The following CTNNA2 variants were observed in gnomAD, a reference collection of about 807,000 sequenced individuals.
The protein encoded by CTNNA2 is catenin alpha 2.
Under a neutral mutation model 101.0 loss-of-function variants are expected in CTNNA2, and 42 were observed. That is an observed-to-expected ratio of 0.42 (90% CI 0.32 to 0.54). CTNNA2 has a LOEUF of 0.54. Ranked by LOEUF, CTNNA2 falls within the 20% of genes least tolerant of loss-of-function variation. The probability of loss-of-function intolerance (pLI) is 0.14; values close to 1 mark genes in which losing one functional copy is unlikely to be tolerated. For missense variants in CTNNA2, 871 were observed against 1,223.1 expected, an observed-to-expected ratio of 0.71 and a Z score of 4.29; for synonymous variants, 450 against 456.4, an observed-to-expected ratio of 0.99 and a Z score of 0.18.
chr2:79,463,162 A>C (rs1670897323), intron 4 of CTNNA2, among the ~76,000 whole-genome samples: 1 of 152,162 alleles, frequency 6.6e-6, no homozygotes, highest in Non-Finnish European at 1.5e-5. Context: ...CTGTAATCCC[A>C]CCATTTTGGG....
At chr2:79,747,502 C>T (rs1031809291) in intron 3 of CTNNA2, among the ~76,000 whole-genome samples, 4 of 152,120 alleles carry the variant, frequency 2.6e-5, no homozygotes, top group African/African-American at 9.7e-5. Flanking sequence ...TTGATTGGCC[C>T]CGGGCCTCCT....
intron 7 of CTNNA2, among the ~76,000 whole-genome samples, chr2:80,237,904 G>A (rs950912357): frequency 6.6e-6 from 1 of 152,008 alleles, no homozygotes; most frequent in Non-Finnish European, 1.5e-5. Flanking sequence ...CTCTCCTAAG[G>A]TGCTCATTCT....
intron 7 of CTNNA2, among the ~76,000 whole-genome samples, chr2:80,144,492 A>G (rs1239026581): frequency 6.6e-6 from 1 of 152,212 alleles, no homozygotes; most frequent in African/African-American, 2.4e-5. Context: ...TCACAGCAGT[A>G]TATTTCTGAA....
chr2:80,346,323 T>C (rs1278387840), intron 7 of CTNNA2, among the ~76,000 whole-genome samples: 1 of 151,930 alleles, frequency 6.6e-6, no homozygotes, highest in African/African-American at 2.4e-5. Flanking sequence ...CTTTTACTCA[T>C]GGTAGAAGGT....
chr2:80,167,961 C>T (rs77980070), intron 7 of CTNNA2, among the ~76,000 whole-genome samples: 1,892 of 152,228 alleles, frequency 0.012, 38 homozygotes, highest in African/African-American at 0.043. Context: ...ATTTAATCAG[C>T]GTGTATTTGT....
chr2:79,529,069 T>C (rs1424248530), intron 1 of CTNNA2, among the ~76,000 whole-genome samples: 3 of 152,122 alleles, frequency 2.0e-5, no homozygotes, highest in African/African-American at 4.8e-5. Context: ...GAAGAACATG[T>C]AAAACTTTCC....
intron 4 of CTNNA2, among the ~76,000 whole-genome samples, chr2:79,431,587 A>G (rs973393588): frequency 6.6e-6 from 1 of 152,230 alleles, no homozygotes; most frequent in African/African-American, 2.4e-5. Context: ...AGTCACTTCT[A>G]AGTTCAGTAG....
In CTNNA2 at chr2:80,363,806, G is replaced by A. The variant is rs141337042; in HGVS notation, c.1057-29405G>A. ...TTAGCCAGGAAATAAATTTTCATGA[G>A]ACCAGTGATTAACCCAATAGCAAAA... is the stretch of plus-strand genomic sequence containing the variant. On this transcript the variant is annotated intron_variant, in intron 7 of 18. Transcript: ENST00000402739. Among the ~76,000 whole-genome samples, 60 of 152,244 alleles carry A rather than the reference G, an allele frequency of 3.9e-4. 2 individuals carry two copies. In the East Asian group the frequency reaches 0.01, roughly 26 times the overall value.
intron 7 of CTNNA2, among the ~76,000 whole-genome samples, chr2:80,316,485 T>C (rs1180343806): frequency 6.6e-6 from 1 of 152,188 alleles, no homozygotes; most frequent in East Asian, 1.9e-4. Flanking sequence ...CTAGAACATG[T>C]GCAAGTCTCG....
At chr2:80,000,829 G>A (rs1256672106) in intron 7 of CTNNA2, among the ~76,000 whole-genome samples, 1 of 152,180 alleles carries the variant, frequency 6.6e-6, no homozygotes, top group African/African-American at 2.4e-5. Context: ...GAGAACTTAG[G>A]CTGAGGTTGA....
At chr2:79,333,988 C>T (rs1676934934) in intron 3 of CTNNA2, among the ~76,000 whole-genome samples, 1 of 152,008 alleles carries the variant, frequency 6.6e-6, no homozygotes, top group Admixed American at 6.6e-5. Flanking sequence ...TTATGGAGTA[C>T]TGTGTGATAT....
intron 13 of CTNNA2, among the ~76,000 whole-genome samples, chr2:80,574,961 T>A (rs185688111): frequency 3.9e-5 from 6 of 152,314 alleles, no homozygotes; most frequent in African/African-American, 1.4e-4. Flanking sequence ...CAGCATCATT[T>A]GCAACTTTTT....
chr2:79,473,936 A>G (rs1201497970), intron 4 of CTNNA2, among the ~76,000 whole-genome samples: 1 of 152,166 alleles, frequency 6.6e-6, no homozygotes, highest in Non-Finnish European at 1.5e-5. Flanking sequence ...TGCCACCAAT[A>G]AGACTAGCCA....
chr2:80,088,945 A>G lies in CTNNA2; in HGVS notation c.1056+179148A>G, dbSNP rs181938964. 3.9e-3 allele frequency among the ~76,000 whole-genome samples: 590 copies of G among 152,074 alleles called. 4 individuals carry two copies. The highest frequency in any genetic ancestry group is 0.014 in the African/African-American group (569 of 41,498). On this transcript the variant is annotated intron_variant, in intron 7 of 18. Coordinates refer to ENST00000402739, the MANE Select transcript of CTNNA2 (RefSeq NM_001282597.3). ...CGTTCCTACTCCTGCTTGGAAATTT[A>G]TAATAGACAACAGCAAATTGGAGAG...
At chr2:80,262,231 G>A (rs1672664697) in intron 7 of CTNNA2, among the ~76,000 whole-genome samples, 1 of 151,900 alleles carries the variant, frequency 6.6e-6, no homozygotes, top group South Asian at 2.1e-4. Context: ...AGATCATATT[G>A]CTCAATATTT....
intron 7 of CTNNA2, among the ~76,000 whole-genome samples, chr2:80,176,096 C>A (rs574800515): frequency 6.6e-6 from 1 of 152,318 alleles, no homozygotes; most frequent in African/African-American, 2.4e-5. Context: ...AGGAACAATA[C>A]TTTGCATCCA....
intron 12 of CTNNA2, among the ~76,000 whole-genome samples, chr2:80,571,513 T>C (rs1694592578): frequency 6.6e-6 from 1 of 152,212 alleles, no homozygotes; most frequent in Non-Finnish European, 1.5e-5. Context: ...CAAAGGTAAC[T>C]ACTATATTTA....
At chr2:79,358,686 C>T (rs1162904487) in intron 3 of CTNNA2, among the ~76,000 whole-genome samples, 1 of 152,162 alleles carries the variant, frequency 6.6e-6, no homozygotes, top group East Asian at 1.9e-4. Context: ...GAAACCAAAG[C>T]AGCAGCCAAT....
Position 80,589,498 on chromosome 2 carries a change from G to A in CTNNA2, c.2189+13G>A, listed in dbSNP as rs760182060. ...CAGACTTCACAAGGTGAGGCCCAGA[G>A]CCAGGGAGCTGAAGATTTTTTCATT... On this transcript the variant is annotated intron_variant, in intron 15 of 18. Transcript: ENST00000402739. The A allele has an allele frequency of 3.6e-5, 58 of 1,608,904 alleles. No individual in the cohort carries two copies. Among genetic ancestry groups the A allele is most frequent in the Non-Finnish European group, 4.6e-5 (54 of 1,176,640 alleles).
Sources: gnomAD v4.1 joint callset for allele counts (sites outside exome capture counted in the v4.1 genomes callset) on GRCh38, gnomAD v4.1.1 for gene constraint, MANE v1.5 for transcripts, NCBI Gene and HGNC (gene_info 2026-07-23, HGNC 2026-07-21) for gene names.